Variants in NIFK observed in about 807,000 individuals in gnomAD.
NIFK encodes the protein nucleolar protein interacting with the FHA domain of MKI67.
In NIFK, 16 loss-of-function variants were observed where a neutral mutation model predicts 31.7. That is an observed-to-expected ratio of 0.50 (90% CI 0.34 to 0.77). NIFK has a LOEUF of 0.77. Ranked by LOEUF, NIFK falls within the 30% of genes least tolerant of loss-of-function variation. The pLI is 0.01. For missense variants in NIFK, 341 were observed against 350.4 expected, an observed-to-expected ratio of 0.97 and a Z score of 0.21; for synonymous variants, 126 against 123.0, an observed-to-expected ratio of 1.02 and a Z score of -0.16.
At position 121,727,156 on chromosome 2, in the gene NIFK, AAACT is replaced by A. The variant is rs2074496959; in HGVS notation, c.*564_*567del. On this transcript the variant is annotated 3_prime_UTR_variant, in exon 7 of 7. Transcript: ENST00000285814. ...TTATTAATTCATGCTAGCACAACCA[AAACT>A]AATTTAACATTATTGGTAAAAATGA... The A allele has an allele frequency of 4.0e-6, 1 of 251,262 alleles. No homozygotes were observed. Among genetic ancestry groups the A allele is most frequent in the Non-Finnish European group, 8.0e-6 (1 of 124,656 alleles). The allele number at this position is 251,262 out of a possible 1,614,324, so 15.6% of individuals were successfully genotyped here. A position where few individuals can be genotyped will look rare whatever the true frequency, so the allele number is the denominator to read the frequency against.
intron 2 of NIFK, among the ~76,000 whole-genome samples, chr2:121,734,574 C>G (rs1039038177): frequency 1.3e-5 from 2 of 151,744 alleles, no homozygotes; most frequent in African/African-American, 4.8e-5. Flanking sequence ...GGGAGGATCA[C>G]AAGGTCAGGA....
Position 121,730,926 on chromosome 2 carries a change from A to C in NIFK, c.531T>G (p.Ala177=), listed in dbSNP as rs2074534493. 1 of 1,612,402 alleles carries C rather than the reference A, an allele frequency of 6.2e-7. No homozygotes were observed. Among genetic ancestry groups the C allele is most frequent in the Middle Eastern group, 1.7e-4 (1 of 5,804 alleles). Reference sequence around the variant, plus strand: ...GAAAATCATAGTCAATTCCTTTTTTAGCTAATTTCTTCCTGAGTAATCTTT... The same window carrying C: ...GAAAATCATAGTCAATTCCTTTTTTCGCTAATTTCTTCCTGAGTAATCTTT... ...KKERLLRKKL[A]KKGIDYDFPS... is the part of the protein sequence containing the mutation. Residue 177 remains alanine (A), a synonymous_variant, in exon 4 of 7, where the codon GCT becomes GCG. Coordinates refer to ENST00000285814, the MANE Select transcript of NIFK (RefSeq NM_032390.5).
At chr2:121,729,622 T>A (rs2074523162) in intron 4 of NIFK, among the ~76,000 whole-genome samples, 1 of 152,128 alleles carries the variant, frequency 6.6e-6, no homozygotes, top group African/African-American at 2.4e-5. Flanking sequence ...TGGAGTGCAA[T>A]GGTACAATCA....
chr2:121,731,531 T>C (rs1228290963), intron 3 of NIFK, among the ~76,000 whole-genome samples: 1 of 152,230 alleles, frequency 6.6e-6, no homozygotes, highest in African/African-American at 2.4e-5. Context: ...AGACAGATTT[T>C]GCAACGCGAT....
At chr2:121,728,003 G>T in intron 6 of NIFK, 91 bp from the exon 7 acceptor site, 1 of 1,208,028 alleles carries the variant, frequency 8.3e-7, no homozygotes, top group Non-Finnish European at 1.1e-6. Context: ...ATTTTTACAA[G>T]TTGTGCCCCA....
intron 6 of NIFK, 101 bp from the exon 7 acceptor site, chr2:121,728,013 A>C (rs1573372177): frequency 8.8e-7 from 1 of 1,132,642 alleles, no homozygotes. Context: ...GTTGTGCCCC[A>C]TTATTTTAGC....
Position 121,727,761 on chromosome 2 carries a change from T to C in NIFK, c.845A>G (p.His282Arg), listed in dbSNP as rs1275475593. 2.5e-6 allele frequency: 4 copies of C among 1,603,012 alleles called. No homozygotes were observed. The highest frequency in any genetic ancestry group is 3.4e-6 in the Non-Finnish European group (4 of 1,177,764). ...EEIQETQTPT[H>R]SRKKRRRSSN... Reference sequence around the variant, plus strand: ...GCTTCTTCGTCTTTTTTTCCGTGAATGTGTAGGTGTTTGAGTCTCTTGTAT... The same window carrying C: ...GCTTCTTCGTCTTTTTTTCCGTGAACGTGTAGGTGTTTGAGTCTCTTGTAT... Residue 282 changes from histidine to arginine, a missense_variant, in exon 7 of 7, where the codon CAT (histidine) becomes CGT (arginine). His to Arg is a conservative substitution (Grantham distance 29, BLOSUM62 0). Transcript: ENST00000285814.
chr2:121,728,262 G>A lies in NIFK; in HGVS notation c.693+26C>T, dbSNP rs769228550. The stretch of plus-strand genomic sequence containing the variant: ...TCAAATTATTTCTATAATATCTGGT[G>A]TCTGGAGTATTGAAAACCATTTTAC... On this transcript the variant is annotated intron_variant, in intron 6 of 6. Coordinates refer to ENST00000285814, the MANE Select transcript of NIFK (RefSeq NM_032390.5). 4.3e-6 allele frequency: 6 copies of A among 1,385,758 alleles called. No homozygotes were observed. The South Asian group carries it at 4.9e-5, about 11-fold the overall frequency. 85.8% of individuals were successfully genotyped at this position (1,385,758 alleles called of 1,614,324 possible).
rs779755078 is a variant in NIFK, at chr2:121,734,666, G to A, written c.243+947C>T. ...AAATTAGCCAGGCATGGTGGCAGGC[G>A]CCTGTAATCCCAGCTACTTGGGAAG... is the stretch of plus-strand genomic sequence containing the variant. On this transcript the variant is annotated intron_variant, in intron 2 of 6. Transcript: ENST00000285814. Among the ~76,000 whole-genome samples, 6 of 152,138 alleles carry A rather than the reference G, an allele frequency of 3.9e-5. 1 individual carries two copies. In the South Asian group the frequency reaches 8.3e-4, roughly 21 times the overall value.
chr2:121,728,952 G>C (rs1202979592), intron 4 of NIFK, among the ~76,000 whole-genome samples: 1 of 152,170 alleles, frequency 6.6e-6, no homozygotes, highest in East Asian at 1.9e-4. Flanking sequence ...TAAGGCCTTG[G>C]CGAAATATTC....
chr2:121,732,576 G>A (rs287800), intron 2 of NIFK, among the ~76,000 whole-genome samples: 152,322 of 152,364 alleles, frequency 1, 76,140 homozygotes, highest in East Asian at 1. Flanking sequence ...AGTTGTGTCA[G>A]TAACAAGCAA....
chr2:121,727,943 T>A, intron 6 of NIFK, 31 bp from the exon 7 acceptor site: 1 of 1,541,686 alleles, frequency 6.5e-7, no homozygotes, highest in Non-Finnish European at 8.7e-7. Context: ...TTATAATACA[T>A]AAATGTAAAA....
intron 4 of NIFK, among the ~76,000 whole-genome samples, chr2:121,729,367 CAAAAAAAA>C (rs966976474): frequency 3.4e-4 from 21 of 62,150 alleles, no homozygotes; most frequent in African/African-American, 7.8e-4. Flanking sequence ...GACTCCATCT[CAAAAAAAA>C]AAAAAAAAAA....
intron 2 of NIFK, among the ~76,000 whole-genome samples, chr2:121,734,251 G>GC (rs1234140033): frequency 1.3e-5 from 2 of 151,810 alleles, no homozygotes; most frequent in East Asian, 1.9e-4. Context: ...AGCCGAGATC[G>GC]CCCCCCAAAA....
Position 121,736,790 on chromosome 2 carries a change from C to T in NIFK, c.61G>A (p.Glu21Lys), listed in dbSNP as rs1348344202. ...ACCTGCGCCACCTCCTTTTGAAACT[C>T]GACATCTTCCTGCGGATTAAGCGAC... ...ILSLNPQEDV[E>K]FQKEVAQVRK... The change falls in exon 1 of 7, where the codon GAG (glutamate) becomes AAG (lysine). Residue 21 changes from glutamate to lysine, a missense_variant. By Grantham distance (56) the Glu-to-Lys change is moderately conservative. Transcript: ENST00000285814. 2 of 1,614,176 alleles carry T rather than the reference C, an allele frequency of 1.2e-6. No individual in the cohort carries two copies. Among genetic ancestry groups the T allele is most frequent in the East Asian group, 4.5e-5 (2 of 44,880 alleles).
Position 121,727,638 on chromosome 2 carries a change from G to T in NIFK, c.*86C>A. ...TTTTCCTCTGAAAATCTTGTCAAAG[G>T]TTGTATTCCATTGTACCTAGTGAAA... On this transcript the variant is annotated 3_prime_UTR_variant, in exon 7 of 7. Transcript: ENST00000285814. 2.0e-6 allele frequency: 2 copies of T among 1,023,622 alleles called. No individual in the cohort carries two copies. The highest frequency in any genetic ancestry group is 3.0e-6 in the Non-Finnish European group (2 of 675,714). 63.4% of individuals were successfully genotyped at this position (1,023,622 alleles called of 1,614,324 possible). A position where few individuals can be genotyped will look rare whatever the true frequency, so the allele number is the denominator to read the frequency against.
At position 121,727,880 on chromosome 2, in the gene NIFK, CA is replaced by C; in HGVS notation, c.725del (p.Leu242TrpfsTer11). On this transcript the variant is annotated frameshift_variant, in exon 7 of 7. Coordinates refer to ENST00000285814, the MANE Select transcript of NIFK (RefSeq NM_032390.5). LOFTEE classifies it high-confidence loss of function. ...GPTPVCTPTF[L>X]ERRKSQVAEL... ...CAGCCACTTGAGATTTTCGCCTCTC[CA>C]AAAATGTTGGTGTACAAACTGGTGT... The C allele has an allele frequency of 6.2e-7, 1 of 1,604,230 alleles. No homozygotes were observed. The highest frequency in any genetic ancestry group is 8.5e-7 in the Non-Finnish European group (1 of 1,178,066).
Position 121,727,903 on chromosome 2 carries a change from G to C in NIFK, c.703C>G (p.Pro235Ala). 1 of 1,592,572 alleles carries C rather than the reference G, an allele frequency of 6.3e-7. No individual in the cohort carries two copies. The change falls in exon 7 of 7, where the codon CCA (proline) becomes GCA (alanine). Residue 235 changes from proline (P) to alanine (A), a missense_variant. Pro to Ala is a conservative substitution (Grantham distance 27). Transcript: ENST00000285814. ...EKTVDSQGPT[P>A]VCTPTFLERR... Reference sequence around the variant, plus strand: ...TCCAAAAATGTTGGTGTACAAACTGGTGTGGGGCCCTGGATTCAACAAGTA... The same window carrying C: ...TCCAAAAATGTTGGTGTACAAACTGCTGTGGGGCCCTGGATTCAACAAGTA...
intron 3 of NIFK, chr2:121,731,319 C>G (rs1002432429): frequency 5.4e-5 from 28 of 523,308 alleles, no homozygotes; most frequent in African/African-American, 5.2e-4. Context: ...CCACATGCCA[C>G]CATGGGCACA....
Sources: allele counts gnomAD v4.1 joint callset (sites outside exome capture counted in the v4.1 genomes callset), GRCh38; gene constraint gnomAD v4.1.1; transcripts MANE v1.5; gene names NCBI Gene and HGNC (gene_info 2026-07-23, HGNC 2026-07-21).